Variants in RPS6KA6 observed in about 807,000 individuals in gnomAD.
RPS6KA6 encodes ribosomal protein S6 kinase A6, also known as ribosomal protein S6 kinase alpha-6.
In RPS6KA6, 27 loss-of-function variants were observed where a neutral mutation model predicts 65.4. That is an observed-to-expected ratio of 0.41 (90% CI 0.30 to 0.57). The LOEUF (loss-of-function observed/expected upper bound fraction) is 0.57. RPS6KA6 is among the 20% of genes least tolerant of loss of function. The pLI is 0.24. For missense variants in RPS6KA6, 486 were observed against 555.6 expected (o/e 0.87, Z 1.26); for synonymous variants, 190 against 184.2 (o/e 1.03, Z -0.26).
chrX:84,173,000 G>T (rs1281092512), intron 1 of RPS6KA6, among the ~76,000 whole-genome samples: 1 of 110,728 alleles, frequency 9.0e-6, no homozygotes, highest in African/African-American at 3.3e-5. Context: ...CGTGTAAGGA[G>T]TTCTAGTTTT....
Position 84,106,381 on chromosome X carries a change from ATGTTGGT to A in RPS6KA6, c.1342_1348del (p.Thr448TrpfsTer5). ...AGACAATACCTTCACTGCAAATTCC[ATGTTGGT>A]AGTTGCATGTATGCATCGCTTGCAA... On this transcript the variant is annotated frameshift_variant, in exon 15 of 22. Transcript: ENST00000262752. LOFTEE classifies it high-confidence loss of function. The A allele has an allele frequency of 1.7e-6, 2 of 1,203,901 alleles. No homozygotes were observed. The highest frequency in any genetic ancestry group is 2.2e-6 in the Non-Finnish European group (2 of 890,787).
intron 1 of RPS6KA6, chrX:84,187,235 A>T (rs2035938383): frequency 8.9e-6 from 1 of 111,870 alleles, no homozygotes; most frequent in Non-Finnish European, 1.9e-5. Flanking sequence ...TGGCGACTGG[A>T]GATAGGTCGC....
At chrX:84,118,153 T>C (rs1028692124) in intron 9 of RPS6KA6, among the ~76,000 whole-genome samples, 1 of 112,183 alleles carries the variant, frequency 8.9e-6, no homozygotes, top group African/African-American at 3.2e-5. Flanking sequence ...TATTTAAATC[T>C]CAAACTTAGA....
intron 1 of RPS6KA6, among the ~76,000 whole-genome samples, chrX:84,169,753 T>A (rs1268505550): frequency 9.0e-6 from 1 of 111,308 alleles, no homozygotes; most frequent in African/African-American, 3.3e-5. Context: ...AGATAAAAAG[T>A]GAGAATAAAT....
At chrX:84,093,430 T>C (rs1489072135) in intron 20 of RPS6KA6, among the ~76,000 whole-genome samples, 2 of 111,936 alleles carry the variant, frequency 1.8e-5, no homozygotes, top group African/African-American at 6.5e-5. Flanking sequence ...AAGGTTCTCA[T>C]AGCTCCTACA....
intron 20 of RPS6KA6, among the ~76,000 whole-genome samples, chrX:84,081,612 T>A (rs2033801159): frequency 8.9e-6 from 1 of 111,740 alleles, no homozygotes; most frequent in Admixed American, 9.5e-5. Context: ...CCCTAATCTT[T>A]TTATGAGGCC....
chrX:84,117,273 A>G, intron 10 of RPS6KA6, 111 bp downstream of exon 10: 1 of 644,884 alleles, frequency 1.6e-6, no homozygotes, highest in South Asian at 3.5e-5. Context: ...AGAAGGGAAC[A>G]AGACAGTGAG....
intron 20 of RPS6KA6, among the ~76,000 whole-genome samples, chrX:84,065,619 CA>C (rs1355971398): frequency 8.9e-6 from 1 of 111,843 alleles, no homozygotes; most frequent in African/African-American, 3.3e-5. Flanking sequence ...TAGTAGTCCC[CA>C]GTGCATTTTA....
intron 12 of RPS6KA6, among the ~76,000 whole-genome samples, chrX:84,112,007 A>G (rs1226735968): frequency 1.8e-5 from 2 of 111,909 alleles, no homozygotes; most frequent in African/African-American, 6.5e-5. Flanking sequence ...ATGCAAATAA[A>G]AAACACAACA....
At chrX:84,102,387 T>C (rs769518449) in intron 17 of RPS6KA6, among the ~76,000 whole-genome samples, 189 bp from the exon 18 acceptor site, 3 of 111,006 alleles carry the variant, frequency 2.7e-5, no homozygotes, top group Non-Finnish European at 5.7e-5. Flanking sequence ...GTCTGTCAGA[T>C]AGATGTTCCA....
chrX:84,070,644 G>C (rs761525023), intron 20 of RPS6KA6, among the ~76,000 whole-genome samples: 27 of 111,408 alleles, frequency 2.4e-4, no homozygotes, highest in African/African-American at 8.8e-4. Flanking sequence ...TGAAACTAAA[G>C]ACTCTAAGTA....
At chrX:84,126,915 T>C (rs963219699) in intron 8 of RPS6KA6, among the ~76,000 whole-genome samples, 1 of 111,589 alleles carries the variant, frequency 9.0e-6, no homozygotes, top group Non-Finnish European at 1.9e-5. Context: ...CTTTATGATG[T>C]ATCTTAAAGA....
chrX:84,143,589 T>C (rs965833869), intron 6 of RPS6KA6, among the ~76,000 whole-genome samples: 1 of 111,521 alleles, frequency 9.0e-6, no homozygotes, highest in Non-Finnish European at 1.9e-5. Flanking sequence ...AAAGACTCAA[T>C]ATTACTAAAA....
At chrX:84,069,509 G>T (rs2147329050) in intron 20 of RPS6KA6, among the ~76,000 whole-genome samples, 1 of 112,160 alleles carries the variant, frequency 8.9e-6, no homozygotes, top group Admixed American at 9.4e-5. Flanking sequence ...AATGGGCAAA[G>T]ACTTTATGAC....
chrX:84,154,839 C>T (rs1428799395), intron 3 of RPS6KA6, among the ~76,000 whole-genome samples: 1 of 111,591 alleles, frequency 9.0e-6, no homozygotes, highest in Non-Finnish European at 1.9e-5. Flanking sequence ...TTATATTTCA[C>T]GTTATATTCT....
chrX:84,173,846 C>T (rs1340433416), intron 1 of RPS6KA6, among the ~76,000 whole-genome samples: 4 of 111,146 alleles, frequency 3.6e-5, no homozygotes, highest in Non-Finnish European at 7.5e-5. Context: ...TTTGATATGT[C>T]ATACTGTTGT....
At chrX:84,162,678 T>C (rs960630625) in intron 2 of RPS6KA6, among the ~76,000 whole-genome samples, 8 of 112,098 alleles carry the variant, frequency 7.1e-5, no homozygotes, top group African/African-American at 1.9e-4. Flanking sequence ...TCCCCTGTGG[T>C]GTAAGCCATG....
intron 20 of RPS6KA6, among the ~76,000 whole-genome samples, chrX:84,091,536 A>G (rs963348146): frequency 3.6e-5 from 4 of 112,269 alleles, no homozygotes; most frequent in Non-Finnish European, 7.5e-5. Flanking sequence ...AAAGTAGAAG[A>G]AACAACAGAT....
chrX:84,086,257 T>TTA (rs2033919050), intron 20 of RPS6KA6, among the ~76,000 whole-genome samples: 1 of 111,588 alleles, frequency 9.0e-6, no homozygotes, highest in Non-Finnish European at 1.9e-5. Flanking sequence ...GTTAGGTTGT[T>TTA]AATTAGAGAT....
Sources: allele counts gnomAD v4.1 joint callset (sites outside exome capture counted in the v4.1 genomes callset), GRCh38; gene constraint gnomAD v4.1.1; transcripts MANE v1.5; gene names NCBI Gene and HGNC (gene_info 2026-07-23, HGNC 2026-07-21).